The following LMO1 variants were observed in gnomAD, a reference collection of about 807,000 sequenced individuals.
LMO1 encodes the protein LIM domain only 1.
A neutral mutation model predicts 18.0 loss-of-function variants in LMO1; 10 were observed. The ratio of observed to expected loss-of-function variants is 0.55; its 90% CI spans 0.34 to 0.94. The LOEUF (loss-of-function observed/expected upper bound fraction) is 0.94, where lower values mean the gene tolerates loss of function less well. Among genes scored for constraint, LMO1 ranks in the 40% least tolerant of loss-of-function variants. The pLI is 0.02. For missense variants in LMO1, 183 were observed against 205.7 expected (o/e 0.89, Z 0.68); for synonymous variants, 77 against 77.9 (o/e 0.99, Z 0.06).
chr11:8,241,231 C>T (rs1846786149), intron 1 of LMO1, among the ~76,000 whole-genome samples: 1 of 152,172 alleles, frequency 6.6e-6, no homozygotes, highest in Non-Finnish European at 1.5e-5. Flanking sequence ...CGTCTTCAGA[C>T]TTCCATCCCC....
upstream of LMO1, among the ~76,000 whole-genome samples, chr11:8,266,723 G>C (rs1212830709): frequency 6.6e-6 from 1 of 152,226 alleles, no homozygotes; most frequent in Non-Finnish European, 1.5e-5. Flanking sequence ...GTGGGAGATA[G>C]TGGGACCCAG....
chr11:8,259,745 A>G (rs1189124217), intron 1 of LMO1, among the ~76,000 whole-genome samples: 1 of 152,110 alleles, frequency 6.6e-6, no homozygotes, highest in Non-Finnish European at 1.5e-5. Flanking sequence ...ATCCTAGGAA[A>G]TCCTACTGGT....
intron 1 of LMO1, among the ~76,000 whole-genome samples, chr11:8,258,811 A>G (rs539417091): frequency 2.0e-5 from 3 of 152,288 alleles, no homozygotes; most frequent in South Asian, 4.2e-4. Flanking sequence ...ACAGCAAGAG[A>G]AAAAGGCAGT....
intron 1 of LMO1, among the ~76,000 whole-genome samples, chr11:8,232,550 C>T (rs772878426): frequency 4.6e-5 from 7 of 152,166 alleles, no homozygotes; most frequent in Admixed American, 2.0e-4. Context: ...TGTCCTTAGG[C>T]CCTGTGCAGG....
At chr11:8,232,252 G>A (rs1292732460) in intron 1 of LMO1, among the ~76,000 whole-genome samples, 1 of 152,174 alleles carries the variant, frequency 6.6e-6, no homozygotes, top group African/African-American at 2.4e-5. Flanking sequence ...AGCTCTAAAG[G>A]TTAATTGGTC....
At chr11:8,241,902 G>T (rs955805737) in intron 1 of LMO1, among the ~76,000 whole-genome samples, 3 of 152,134 alleles carry the variant, frequency 2.0e-5, no homozygotes, top group African/African-American at 7.2e-5. Context: ...TGTTCCCAGT[G>T]TTGTGCCCCA....
intron 1 of LMO1, among the ~76,000 whole-genome samples, chr11:8,231,829 G>A (rs990224463): frequency 6.6e-6 from 1 of 152,094 alleles, no homozygotes; most frequent in African/African-American, 2.4e-5. Flanking sequence ...CCCAGAGTCT[G>A]AATGGTTGGG....
intron 1 of LMO1, among the ~76,000 whole-genome samples, chr11:8,239,555 G>A (rs967025222): frequency 6.6e-6 from 1 of 152,142 alleles, no homozygotes; most frequent in Admixed American, 6.5e-5. Flanking sequence ...TCCTCAGGAG[G>A]AGGCTGGGCT....
chr11:8,236,098 C>T (rs188143631), intron 1 of LMO1, among the ~76,000 whole-genome samples: 3 of 152,186 alleles, frequency 2.0e-5, no homozygotes, highest in Non-Finnish European at 4.4e-5. Flanking sequence ...TGACCAGCCA[C>T]ATGGGAAGCA....
chr11:8,263,670 AC>A lies in LMO1; in HGVS notation c.-309del. ...GATCAGAGCCGTTTCTTTGATTCTC[AC>A]CTTCTAAATGGCTCAATTTGCCCAG... is the stretch of plus-strand genomic sequence containing the variant. On this transcript the variant is annotated 5_prime_UTR_variant, in exon 1 of 4. Transcript: ENST00000335790. The A allele has an allele frequency of 7.7e-7, 1 of 1,293,586 alleles. No individual in the cohort carries two copies. The highest frequency in any genetic ancestry group is 2.2e-5 in the South Asian group (1 of 45,392). 80.1% of individuals were successfully genotyped at this position (1,293,586 alleles called of 1,614,324 possible).
intron 1 of LMO1, 46 bp downstream of exon 1, chr11:8,263,292 G>C: frequency 6.3e-7 from 1 of 1,575,900 alleles, no homozygotes; most frequent in Non-Finnish European, 8.6e-7. Context: ...CGCCGCGGCA[G>C]GGGGCGAGGG....
intron 1 of LMO1, among the ~76,000 whole-genome samples, chr11:8,257,492 G>A (rs546021173): frequency 1.9e-3 from 289 of 152,344 alleles, no homozygotes; most frequent in African/African-American, 6.5e-3. Context: ...ACCCAAGCAC[G>A]TGGTCCGTGG....
chr11:8,243,619 C>A (rs1162183601), intron 1 of LMO1, among the ~76,000 whole-genome samples: 1 of 152,240 alleles, frequency 6.6e-6, no homozygotes, highest in Non-Finnish European at 1.5e-5. Context: ...ACAGAGTCTG[C>A]AGCCAGGGAG....
intron 3 of LMO1, among the ~76,000 whole-genome samples, chr11:8,225,664 C>G (rs962035198): frequency 6.6e-6 from 1 of 152,154 alleles, no homozygotes; most frequent in African/African-American, 2.4e-5. Context: ...AGATTCCGGT[C>G]CTTTCCCTAA....
upstream of LMO1, among the ~76,000 whole-genome samples, chr11:8,264,271 A>G (rs1341171796): frequency 6.6e-6 from 1 of 151,700 alleles, no homozygotes; most frequent in Non-Finnish European, 1.5e-5. Flanking sequence ...CCCCAGCAGC[A>G]CCCCCAAAAG....
At position 8,263,449 on chromosome 11, in the gene LMO1, T is replaced by C. The variant is rs1590569501; in HGVS notation, c.-87A>G. On this transcript the variant is annotated 5_prime_UTR_variant, in exon 1 of 4. Transcript: ENST00000335790. ...CGCGCTTTGGAGGGGCGGCCGGTCT[T>C]CGGGCAGCTAGCGGGCTCTAATTAC... The C allele has an allele frequency of 7.0e-6, 11 of 1,563,584 alleles. No homozygotes were observed. The highest frequency in any genetic ancestry group is 1.4e-5 in the African/African-American group (1 of 72,612).
chr11:8,245,626 G>A (rs143699798), intron 1 of LMO1, among the ~76,000 whole-genome samples: 10 of 152,308 alleles, frequency 6.6e-5, no homozygotes, highest in African/African-American at 2.4e-4. Context: ...CACTGGGGAA[G>A]TACCAGGCTA....
At chr11:8,258,720 G>T (rs1847138409) in intron 1 of LMO1, among the ~76,000 whole-genome samples, 1 of 152,192 alleles carries the variant, frequency 6.6e-6, no homozygotes, top group South Asian at 2.1e-4. Context: ...TACTCGGGAG[G>T]GATGAGAAGC....
At chr11:8,255,494 A>T (rs1847075541) in intron 1 of LMO1, among the ~76,000 whole-genome samples, 1 of 152,188 alleles carries the variant, frequency 6.6e-6, no homozygotes, top group East Asian at 1.9e-4. Context: ...ACAGAGTGAG[A>T]TGTCTCAAAA....
Sources: gnomAD v4.1 joint callset for allele counts (sites outside exome capture counted in the v4.1 genomes callset) on GRCh38, gnomAD v4.1.1 for gene constraint, MANE v1.5 for transcripts, NCBI Gene and HGNC (gene_info 2026-07-23, HGNC 2026-07-21) for gene names.